RAB38: variants seen among roughly 807,000 people sequenced by gnomAD.
RAB38 encodes the protein RAB38, member RAS oncogene family, also known as ras-related protein Rab-38.
RAB38 carries 15 observed loss-of-function variants against 18.4 expected under a neutral mutation model. That is an observed-to-expected ratio of 0.82 (90% CI 0.55 to 1.26). The LOEUF (loss-of-function observed/expected upper bound fraction) is 1.26, where lower values mean the gene tolerates loss of function less well. Ranked by LOEUF, RAB38 falls within the 50% of genes most tolerant of loss-of-function variation. The pLI, the probability that RAB38 is intolerant of heterozygous loss-of-function variation, is 0.00. For synonymous variants in RAB38, 101 were observed against 104.4 expected, an observed-to-expected ratio of 0.97 and a Z score of 0.20; for missense variants, 294 against 267.4, an observed-to-expected ratio of 1.10 and a Z score of -0.69.
the RAB38 span, among the ~76,000 whole-genome samples, chr11:88,060,958 A>G: frequency 6.6e-6 from 1 of 152,360 alleles, no homozygotes; most frequent in Admixed American, 6.5e-5. Context: ...TTTAATAAAA[A>G]GACTTTGGAA....
chr11:87,940,987 G>A, the RAB38 span, among the ~76,000 whole-genome samples: 516 of 151,482 alleles, frequency 3.4e-3, 2 homozygotes, highest in African/African-American at 0.012. Context: ...CACTCCTTTG[G>A]TTTGATCAGC....
At chr11:87,890,987 G>A in the RAB38 span, among the ~76,000 whole-genome samples, 1 of 151,710 alleles carries the variant, frequency 6.6e-6, no homozygotes, top group Non-Finnish European at 1.5e-5. Context: ...TAAGTATAAG[G>A]CCATGTGTAC....
At chr11:87,949,524 T>G in the RAB38 span, among the ~76,000 whole-genome samples, 2 of 152,242 alleles carry the variant, frequency 1.3e-5, no homozygotes, top group African/African-American at 4.8e-5. Flanking sequence ...CTTGTGGGCA[T>G]TTAGTGCTAT....
the RAB38 span, among the ~76,000 whole-genome samples, chr11:87,971,761 T>C: frequency 6.6e-6 from 1 of 152,048 alleles, no homozygotes; most frequent in Non-Finnish European, 1.5e-5. Context: ...ATAAAAATTT[T>C]AAAGAACCAC....
chr11:87,849,053 C>A, the RAB38 span, among the ~76,000 whole-genome samples: 1 of 152,078 alleles, frequency 6.6e-6, no homozygotes, highest in African/African-American at 2.4e-5. Flanking sequence ...ACAGGACTTA[C>A]TTCAGTTGAA....
chr11:87,860,902 T>C, the RAB38 span, among the ~76,000 whole-genome samples: 1 of 151,930 alleles, frequency 6.6e-6, no homozygotes, highest in Non-Finnish European at 1.5e-5. Context: ...ATGTCATATA[T>C]GTTTTATAAG....
chr11:87,962,720 A>G, the RAB38 span, among the ~76,000 whole-genome samples: 1 of 152,202 alleles, frequency 6.6e-6, no homozygotes, highest in African/African-American at 2.4e-5. Flanking sequence ...ATTTTTTCAG[A>G]CGGAGGAAAT....
the RAB38 span, chr11:88,061,834 G>C: frequency 6.6e-6 from 1 of 151,976 alleles, no homozygotes; most frequent in Admixed American, 6.6e-5. Flanking sequence ...AAATGGTCAG[G>C]GTCACTTTGC....
chr11:87,825,237 A>G, the RAB38 span, among the ~76,000 whole-genome samples: 1 of 152,196 alleles, frequency 6.6e-6, no homozygotes, highest in South Asian at 2.1e-4. Flanking sequence ...TCAGAATATT[A>G]GTGAAAATGA....
At chr11:87,841,876 A>C in the RAB38 span, among the ~76,000 whole-genome samples, 1 of 152,214 alleles carries the variant, frequency 6.6e-6, no homozygotes, top group African/African-American at 2.4e-5. Flanking sequence ...GTTTTCTGTT[A>C]AGGGACATTT....
At chr11:88,136,705 T>C (rs921618876) in intron 2 of RAB38, among the ~76,000 whole-genome samples, 10 of 152,190 alleles carry the variant, frequency 6.6e-5, no homozygotes, top group Non-Finnish European at 1.2e-4. Flanking sequence ...AGAGTATAGA[T>C]AGTATGGTCT....
At chr11:88,115,612 TA>T (rs1400994864) in intron 2 of RAB38, 2 of 152,210 alleles carry the variant, frequency 1.3e-5, no homozygotes, top group African/African-American at 4.8e-5. Context: ...CCAGGCTTTC[TA>T]AATCCAAAAC....
At chr11:88,067,982 C>CG in the RAB38 span, among the ~76,000 whole-genome samples, 5 of 82,244 alleles carry the variant, frequency 6.1e-5, no homozygotes, top group South Asian at 1.1e-3. Flanking sequence ...CATATATATA[C>CG]TTATATATAT....
the RAB38 span, among the ~76,000 whole-genome samples, chr11:87,971,312 G>A: frequency 6.6e-6 from 1 of 152,090 alleles, no homozygotes; most frequent in Non-Finnish European, 1.5e-5. Context: ...TAGCTGTAAT[G>A]AGGCAGGAAG....
chr11:87,853,994 T>C, the RAB38 span, among the ~76,000 whole-genome samples: 1 of 152,162 alleles, frequency 6.6e-6, no homozygotes, highest in South Asian at 2.1e-4. Context: ...TCTATCTTCA[T>C]AGCCAGCAAT....
the RAB38 span, among the ~76,000 whole-genome samples, chr11:87,919,004 G>A: frequency 5.3e-5 from 8 of 151,784 alleles, no homozygotes; most frequent in East Asian, 1.6e-3. Flanking sequence ...TGTATTTACA[G>A]TTTAGGTCTT....
chr11:88,007,305 T>A, the RAB38 span, among the ~76,000 whole-genome samples: 1 of 151,738 alleles, frequency 6.6e-6, no homozygotes, highest in Non-Finnish European at 1.5e-5. Context: ...TGTCATAATT[T>A]AAAACTTTCA....
the RAB38 span, among the ~76,000 whole-genome samples, chr11:87,903,512 T>A: frequency 2.0e-5 from 3 of 151,598 alleles, no homozygotes; most frequent in Non-Finnish European, 4.4e-5. Context: ...GATATTGGTC[T>A]CTTGTGTGTT....
the RAB38 span, among the ~76,000 whole-genome samples, chr11:87,813,194 A>G: frequency 6.6e-6 from 1 of 152,222 alleles, no homozygotes; most frequent in African/African-American, 2.4e-5. Flanking sequence ...AACCACAGAA[A>G]TAACCATTTG....
Sources: gnomAD v4.1 joint callset for allele counts (sites outside exome capture counted in the v4.1 genomes callset) on GRCh38, gnomAD v4.1.1 for gene constraint, MANE v1.5 for transcripts, NCBI Gene and HGNC (gene_info 2026-07-23, HGNC 2026-07-21) for gene names.